PLA2G6: variants seen among roughly 807,000 people sequenced by gnomAD.
The protein encoded by PLA2G6 is phospholipase A2 group VI.
Under a neutral mutation model 83.8 loss-of-function variants are expected in PLA2G6, and 62 were observed. The ratio of observed to expected loss-of-function variants is 0.74; its 90% CI spans 0.60 to 0.91. PLA2G6 has a LOEUF of 0.91. Among genes scored for constraint, PLA2G6 ranks in the 40% least tolerant of loss-of-function variants. The pLI is 0.00. For synonymous variants in PLA2G6, 417 were observed against 449.8 expected (o/e 0.93, Z 0.92); for missense variants, 944 against 1,102.0 (o/e 0.86, Z 2.03).
chr22:38,112,299 G>A lies in PLA2G6; in HGVS notation c.2283C>T (p.Asn761=). 6.2e-7 allele frequency: 1 copy of A among 1,613,386 alleles called. No homozygotes were observed. The highest frequency in any genetic ancestry group is 8.5e-7 in the Non-Finnish European group (1 of 1,179,802). Residue 761 remains asparagine (N), a synonymous_variant, in exon 17 of 17, where the codon AAC becomes AAT. Transcript: ENST00000332509. ...GCATGATGTCCGTCCCCAGCTGGGG[G>A]TTCAATCTGTTCGGGCCAGGGAGGA... The part of the protein sequence containing the change: ...EMVGIQYFRL[N]PQLGTDIMLD...
intron 12 of PLA2G6, among the ~76,000 whole-genome samples, chr22:38,117,197 C>G (rs11570749): frequency 6.6e-5 from 10 of 152,092 alleles, no homozygotes. Context: ...AGTTCGCCCA[C>G]GAGCGTGGAC....
chr22:38,179,966 C>T (rs575808321), intron 1 of PLA2G6, among the ~76,000 whole-genome samples: 1 of 152,038 alleles, frequency 6.6e-6, no homozygotes, highest in South Asian at 2.1e-4. Flanking sequence ...CATCCGAAAA[C>T]GAGAAGAGGC....
chr22:38,179,491 CT>C (rs133027), intron 1 of PLA2G6, among the ~76,000 whole-genome samples: 69,139 of 151,970 alleles, frequency 0.45, 16,063 homozygotes, highest in South Asian at 0.55. Flanking sequence ...ATTCTAAACT[CT>C]TAAGTTTGAG....
chr22:38,117,067 TAGA>T (rs1013021203), intron 12 of PLA2G6, among the ~76,000 whole-genome samples: 19 of 151,888 alleles, frequency 1.3e-4, no homozygotes, highest in African/African-American at 4.4e-4. Flanking sequence ...ACTCCAGGCC[TAGA>T]AGAATTTACT....
intron 3 of PLA2G6, chr22:38,143,888 G>A (rs6001022): frequency 0.045 from 8,636 of 190,716 alleles, 808 homozygotes; most frequent in African/African-American, 0.19. Context: ...GATTACAGGC[G>A]TGCGCCACCA....
chr22:38,113,526 AAC>A lies in PLA2G6; in HGVS notation c.2161_2162del (p.Val721PhefsTer51). ...TCTTGCCCAGTTCCTTGGCCCCAAA[AAC>A]AGTCTTGGCCAGCTCCCAGGGGTTG... ...PSNPWELAKT[V>X]FGAKELGKMV... On this transcript the variant is annotated frameshift_variant, in exon 15 of 17. Transcript: ENST00000332509. LOFTEE classifies it high-confidence loss of function. The A allele has an allele frequency of 1.2e-6, 2 of 1,614,042 alleles. No individual in the cohort carries two copies. Among genetic ancestry groups the A allele is most frequent in the Non-Finnish European group, 1.7e-6 (2 of 1,180,004 alleles).
rs2088001482 is a variant in PLA2G6, at chr22:38,128,399, C to T, written c.1218G>A (p.Leu406=). 6.2e-7 allele frequency: 1 copy of T among 1,614,142 alleles called. No individual in the cohort carries two copies. The highest frequency in any genetic ancestry group is 1.7e-5 in the Admixed American group (1 of 60,026). The stretch of plus-strand genomic sequence containing the variant: ...AGCAGTATTCGGCCCCCACGGTTCT[C>T]AGCAGAGTCAAGATCGCCTTCCTGG... ...LVTRKAILTL[L]RTVGAEYCFP... The change falls in exon 9 of 17, where the codon CTG becomes CTA. Residue 406 remains leucine (L), a synonymous_variant. Coordinates refer to ENST00000332509, the MANE Select transcript of PLA2G6 (RefSeq NM_003560.4). This position sits in a 1 kb window ranked among gnomAD's most constrained non-coding sequence, Gnocchi z 4.4.
At chr22:38,126,057 G>C (rs990189856) in intron 10 of PLA2G6, 1 of 416,020 alleles carries the variant, frequency 2.4e-6, no homozygotes. Flanking sequence ...CCCCAGGGGG[G>C]ACCCAGGCAT....
At chr22:38,115,255 C>G (rs569914821) in intron 14 of PLA2G6, among the ~76,000 whole-genome samples, 45 of 152,298 alleles carry the variant, frequency 3.0e-4, no homozygotes, top group African/African-American at 1.1e-3. Context: ...CAGGCTGGCT[C>G]GAGTGGCACG....
rs2089895802 is a variant in PLA2G6, at chr22:38,158,830, G to C, written c.209+10388C>G. Among the ~76,000 whole-genome samples the C allele has an allele frequency of 2.0e-5, 3 of 152,188 alleles. No individual in the cohort carries two copies. The South Asian group carries it at 6.2e-4, about 31-fold the overall frequency. ...TTAAAACTTAATTCTCAGTGTGATA[G>C]TATTAAGAAATGGGGCCATTAGGAG... On this transcript the variant is annotated intron_variant, in intron 2 of 16. Coordinates refer to ENST00000332509, the MANE Select transcript of PLA2G6 (RefSeq NM_003560.4).
intron 13 of PLA2G6, 37 bp from the exon 14 acceptor site, chr22:38,115,718 G>C: frequency 6.4e-7 from 1 of 1,572,154 alleles, no homozygotes; most frequent in Non-Finnish European, 8.6e-7. Context: ...AGTGGCACAA[G>C]GGACTGGCAT....
rs761961717 is a variant in PLA2G6, at chr22:38,112,202, C to T, written c.2380G>A (p.Glu794Lys). The T allele has an allele frequency of 1.6e-5, 25 of 1,605,414 alleles. No homozygotes were observed. The highest frequency in any genetic ancestry group is 1.1e-4 in the East Asian group (5 of 44,564). The change falls in exon 17 of 17, where the codon GAG becomes AAG. Residue 794 changes from glutamate (E) to lysine (K), a missense_variant. Glu to Lys is a moderately conservative substitution (Grantham distance 56, BLOSUM62 1). Coordinates refer to ENST00000332509, the MANE Select transcript of PLA2G6 (RefSeq NM_003560.4). ...AGCTGGATGAGCTTCTGGAACTCCT[C>T]GCGGTGCTCATAGATGTAGACCTCG... ...ETEVYIYEHREEFQKLIQLLL... is the reference protein window; with the variant it reads ...ETEVYIYEHRKEFQKLIQLLL...
At chr22:38,124,501 G>C (rs768581418) in intron 10 of PLA2G6, among the ~76,000 whole-genome samples, 8 of 152,088 alleles carry the variant, frequency 5.3e-5, no homozygotes, top group Admixed American at 2.0e-4. Context: ...GGTTCAGTCT[G>C]GAACCTTCCT....
At chr22:38,167,763 G>C (rs2090276969) in intron 2 of PLA2G6, among the ~76,000 whole-genome samples, 1 of 152,200 alleles carries the variant, frequency 6.6e-6, no homozygotes, top group Non-Finnish European at 1.5e-5. Flanking sequence ...CACCTGATTG[G>C]ATGGGGCCCT....
chr22:38,115,987 C>T (rs1035865629), intron 13 of PLA2G6, 88 bp downstream of exon 13: 22 of 1,531,814 alleles, frequency 1.4e-5, no homozygotes, highest in Non-Finnish European at 2.0e-5. Context: ...GGTGAGGGTG[C>T]CTGATGGCAA....
intron 12 of PLA2G6, among the ~76,000 whole-genome samples, chr22:38,119,080 G>A (rs940005785): frequency 2.0e-5 from 3 of 152,126 alleles, no homozygotes; most frequent in African/African-American, 7.2e-5. Flanking sequence ...TTTTTGAGAA[G>A]AGGTAGAAAC....
chr22:38,127,176 G>A (rs1236092914), intron 9 of PLA2G6: 1 of 1,180,874 alleles, frequency 8.5e-7, no homozygotes. Context: ...GCAGAGTCTA[G>A]AAGCAGCAAA....
chr22:38,124,865 T>G (rs2087741394), intron 10 of PLA2G6, among the ~76,000 whole-genome samples: 1 of 152,174 alleles, frequency 6.6e-6, no homozygotes, highest in African/African-American at 2.4e-5. Context: ...ACACTGTTGC[T>G]GGAGGCCAAA....
intron 1 of PLA2G6, chr22:38,180,502 T>C (rs1012549119): frequency 2.6e-5 from 4 of 152,176 alleles, no homozygotes; most frequent in African/African-American, 9.7e-5. Context: ...AGATAAACGA[T>C]GACTGAATGA....
Sources: allele counts gnomAD v4.1 joint callset (sites outside exome capture counted in the v4.1 genomes callset), GRCh38; gene constraint gnomAD v4.1.1; non-coding constraint Gnocchi (gnomAD v3.1); transcripts MANE v1.5; gene names NCBI Gene and HGNC (gene_info 2026-07-23, HGNC 2026-07-21).